IGDCC3: variants seen among roughly 807,000 people sequenced by gnomAD.
IGDCC3 encodes putative neuronal cell adhesion molecule.
Under a neutral mutation model 72.0 loss-of-function variants are expected in IGDCC3, and 47 were observed. The observed-to-expected ratio is 0.65, with a 90% CI of 0.52 to 0.83. IGDCC3 has a LOEUF of 0.83. Among genes scored for constraint, IGDCC3 ranks in the 40% least tolerant of loss-of-function variants. The pLI, the probability that IGDCC3 is intolerant of heterozygous loss-of-function variation, is 0.00. For synonymous variants in IGDCC3, 477 were observed against 472.8 expected (o/e 1.01, Z -0.11); for missense variants, 1,038 against 1,091.3 (o/e 0.95, Z 0.69).
chr15:65,343,976 G>A (rs2091104230), intron 2 of IGDCC3, among the ~76,000 whole-genome samples: 3 of 152,144 alleles, frequency 2.0e-5, no homozygotes, highest in African/African-American at 7.2e-5. Context: ...CCATCATCTG[G>A]ATCCCCACTT....
At chr15:65,338,419 GT>G (rs2140144366) in intron 2 of IGDCC3, among the ~76,000 whole-genome samples, 1 of 152,322 alleles carries the variant, frequency 6.6e-6, no homozygotes, top group East Asian at 1.9e-4. Flanking sequence ...ATGTCCCTTA[GT>G]TTTCCAGCAA....
In IGDCC3 at chr15:65,370,590, A is replaced by ATG. The variant is rs1387086423; in HGVS notation, c.409+4506_409+4507insCA. Reference sequence around the variant, plus strand: ...TATATGTATGTATATATATGTATGTATATATATGTATGTGTATATATATGT... The same window carrying ATG: ...TATATGTATGTATATATATGTATGTATGTATATATGTATGTGTATATATATGT... On this transcript the variant is annotated intron_variant, in intron 2 of 13. Transcript: ENST00000327987. 6.5e-4 allele frequency among the ~76,000 whole-genome samples: 80 copies of ATG among 124,004 alleles called. 1 individual carries two copies. Among genetic ancestry groups the ATG allele is most frequent in the African/African-American group, 2.3e-3 (74 of 31,670 alleles). 81.4% of individuals were successfully genotyped at this position (124,004 alleles called of 152,430 possible).
intron 2 of IGDCC3, among the ~76,000 whole-genome samples, chr15:65,357,127 C>T (rs754390317): frequency 2.6e-5 from 4 of 151,858 alleles, no homozygotes; most frequent in Admixed American, 6.6e-5. Context: ...GCTGGGATTA[C>T]GGGTGTGAGC....
chr15:65,342,861 T>G lies in IGDCC3; in HGVS notation c.410-6905A>C, dbSNP rs138989636. On this transcript the variant is annotated intron_variant, in intron 2 of 13. Coordinates refer to ENST00000327987, the MANE Select transcript of IGDCC3 (RefSeq NM_004884.4). ...TGTTTGCTTTTGTGTTTGTTTGTTT[T>G]TTTTTGTTTGTTTTTGAGACAGGGT... Among the ~76,000 whole-genome samples the G allele has an allele frequency of 1.9e-3, 291 of 151,138 alleles. 7 individuals are homozygous for G. The East Asian group carries it at 0.022, about 11-fold the overall frequency.
In IGDCC3 at chr15:65,377,150, C is replaced by T. The variant is rs985406251; in HGVS notation, c.103+536G>A. Among the ~76,000 whole-genome samples, 1 of 152,188 alleles carries T rather than the reference C, an allele frequency of 6.6e-6. No individual in the cohort carries two copies. The highest frequency in any genetic ancestry group is 1.5e-5 in the Non-Finnish European group (1 of 68,034). On this transcript the variant is annotated intron_variant, in intron 1 of 13. Transcript: ENST00000327987. The surrounding 1 kb of genome is among the most constrained non-coding windows in gnomAD (Gnocchi z 4.9). ...TAGCCACGCGCCGCCCTCCAGGAAT[C>T]TCCCTCGTCTTCTCCTGTCTCTCCC...
intron 2 of IGDCC3, among the ~76,000 whole-genome samples, chr15:65,364,420 T>TA (rs5813349): frequency 0.15 from 22,735 of 152,132 alleles, 1,982 homozygotes; most frequent in Non-Finnish European, 0.19. Context: ...CATTTACTGT[T>TA]ACTAACTAGT....
chr15:65,345,807 C>T (rs1484066519), intron 2 of IGDCC3, among the ~76,000 whole-genome samples: 1 of 152,094 alleles, frequency 6.6e-6, no homozygotes, highest in Non-Finnish European at 1.5e-5. Context: ...GGATTACTAG[C>T]CCTTCTAAGG....
In IGDCC3 at chr15:65,329,475, C is replaced by CGGCCCAGCT; in HGVS notation, c.2111_2119dup (p.Gln704_Gly706dup). The CGGCCCAGCT allele has an allele frequency of 6.2e-7, 1 of 1,610,926 alleles. No homozygotes were observed. The highest frequency in any genetic ancestry group is 8.5e-7 in the Non-Finnish European group (1 of 1,179,058). On this transcript the variant is annotated inframe_insertion, in exon 13 of 14. Transcript: ENST00000327987. The surrounding 1 kb of genome is among the most constrained non-coding windows in gnomAD (Gnocchi z 4.1). ...CTTCATATCCACACGTTTCTCGTCT[C>CGGCCCAGCT]GGCCCAGCTGGCCCCGCTGTCCCCG...
chr15:65,342,309 C>T (rs948819175), intron 2 of IGDCC3, among the ~76,000 whole-genome samples: 2 of 151,864 alleles, frequency 1.3e-5, no homozygotes, highest in African/African-American at 4.8e-5. Flanking sequence ...TCGCTTGAAC[C>T]CGGGAGGTGG....
intron 2 of IGDCC3, among the ~76,000 whole-genome samples, chr15:65,359,303 GT>G (rs751808843): frequency 6.6e-6 from 1 of 152,122 alleles, no homozygotes; most frequent in Non-Finnish European, 1.5e-5. Flanking sequence ...TGTCATTATG[GT>G]TATAACAGGA....
rs34065363 is a variant in IGDCC3, at chr15:65,328,317, T to TTTTTTAA, written c.*591_*592insTTAAAAA. 2 of 129,032 alleles carry TTTTTTAA rather than the reference T, an allele frequency of 1.6e-5. No individual in the cohort carries two copies. Among genetic ancestry groups the TTTTTTAA allele is most frequent in the African/African-American group, 5.4e-5 (2 of 36,828 alleles). 8.0% of individuals were successfully genotyped at this position (129,032 alleles called of 1,614,324 possible). Reference sequence around the variant, plus strand: ...GTGCTTTTTTTTTTTTTTTTTTTTTTACTCTGGACAACAGTGTGGGAAGGG... The same window carrying TTTTTTAA: ...GTGCTTTTTTTTTTTTTTTTTTTTTTTTTTTAAACTCTGGACAACAGTGTGGGAAGGG... On this transcript the variant is annotated 3_prime_UTR_variant, in exon 14 of 14. Transcript: ENST00000327987.
At position 65,377,295 on chromosome 15, in the gene IGDCC3, G is replaced by A. The variant is rs1216151667; in HGVS notation, c.103+391C>T. ...CTGTCCCCTGTCTTGGCTGCCTCGGGCTATGTCCACGGCCGGGCACCCAGC... is the reference window on the plus strand; with the variant it reads ...CTGTCCCCTGTCTTGGCTGCCTCGGACTATGTCCACGGCCGGGCACCCAGC... On this transcript the variant is annotated intron_variant, in intron 1 of 13. Coordinates refer to ENST00000327987, the MANE Select transcript of IGDCC3 (RefSeq NM_004884.4). This position sits in a 1 kb window ranked among gnomAD's most constrained non-coding sequence, Gnocchi z 4.9. Among the ~76,000 whole-genome samples, 1 of 152,236 alleles carries A rather than the reference G, an allele frequency of 6.6e-6. No homozygotes were observed. Among genetic ancestry groups the A allele is most frequent in the East Asian group, 1.9e-4 (1 of 5,178 alleles).
intron 2 of IGDCC3, among the ~76,000 whole-genome samples, chr15:65,369,637 C>A (rs769748919): frequency 2.6e-5 from 4 of 152,120 alleles, no homozygotes; most frequent in Non-Finnish European, 4.4e-5. Flanking sequence ...TTCCTCAGGC[C>A]TCCCTCAGTT....
intron 2 of IGDCC3, among the ~76,000 whole-genome samples, chr15:65,365,307 G>GTC (rs1362984250): frequency 6.6e-6 from 1 of 152,032 alleles, no homozygotes; most frequent in Non-Finnish European, 1.5e-5. Context: ...AGGTGGTCTG[G>GTC]TCTCCATCTT....
chr15:65,335,788 C>G, intron 3 of IGDCC3, 24 bp downstream of exon 3: 1 of 1,613,694 alleles, frequency 6.2e-7, no homozygotes, highest in South Asian at 1.1e-5. Flanking sequence ...TGTCCTCCCT[C>G]TGTCTTTCCC....
chr15:65,334,769 G>A lies in IGDCC3; in HGVS notation c.782C>T (p.Ala261Val). Reference protein sequence around the residue: ...VHQTAVLECVATGNPRPIVSW... With the variant: ...VHQTAVLECVVTGNPRPIVSW... Reference sequence around the variant, plus strand: ...CACAATGGGGCGCGGGTTGCCCGTGGCGACACACTCAAGCACCGCGGTCTG... The same window carrying A: ...CACAATGGGGCGCGGGTTGCCCGTGACGACACACTCAAGCACCGCGGTCTG... Residue 261 changes from alanine (A) to valine (V), a missense_variant, in exon 5 of 14, where the codon GCC becomes GTC. Transcript: ENST00000327987. 1 of 1,604,856 alleles carries A rather than the reference G, an allele frequency of 6.2e-7. No homozygotes were observed. The highest frequency in any genetic ancestry group is 8.5e-7 in the Non-Finnish European group (1 of 1,175,846).
At chr15:65,342,775 G>A (rs886904553) in intron 2 of IGDCC3, among the ~76,000 whole-genome samples, 1 of 152,222 alleles carries the variant, frequency 6.6e-6, no homozygotes, top group African/African-American at 2.4e-5. Flanking sequence ...ACGCTGCAGG[G>A]CAGGGAAGGC....
In IGDCC3 at chr15:65,333,421, G is replaced by C; in HGVS notation, c.824-6C>G. ...CACCCCGATAGGGCGACCATCTGCA[G>C]AGGAAGGGGAGGGGGGATGGGTGAG... On this transcript the variant is annotated splice_region_variant and splice_polypyrimidine_tract_variant and intron_variant, in intron 5 of 13. Transcript: ENST00000327987. 1 of 1,592,802 alleles carries C rather than the reference G, an allele frequency of 6.3e-7. No individual in the cohort carries two copies.
intron 2 of IGDCC3, among the ~76,000 whole-genome samples, chr15:65,355,462 G>C (rs931648620): frequency 4.0e-5 from 6 of 151,496 alleles, no homozygotes; most frequent in Non-Finnish European, 8.8e-5. Context: ...CGGTCCAAGC[G>C]GCCCCAGGCT....
Sources: allele counts gnomAD v4.1 joint callset (sites outside exome capture counted in the v4.1 genomes callset), GRCh38; gene constraint gnomAD v4.1.1; non-coding constraint Gnocchi (gnomAD v3.1); transcripts MANE v1.5; gene names NCBI Gene and HGNC (gene_info 2026-07-23, HGNC 2026-07-21).